The following PPP2R2D variants were observed in gnomAD, a reference collection of about 807,000 sequenced individuals.
PPP2R2D encodes protein phosphatase 2 regulatory subunit Bdelta, also known as serine/threonine-protein phosphatase 2A 55 kDa regulatory subunit B delta isoform.
In PPP2R2D, 9 loss-of-function variants were observed where a neutral mutation model predicts 31.1. The observed-to-expected ratio is 0.29, with a 90% CI of 0.17 to 0.51. PPP2R2D has a LOEUF of 0.51. PPP2R2D is among the 20% of genes least tolerant of loss of function. The pLI is 0.98. For missense variants in PPP2R2D, 391 were observed against 465.6 expected (o/e 0.84, Z 1.48); for synonymous variants, 179 against 172.6 (o/e 1.04, Z -0.29).
the PPP2R2D span, chr10:131,968,719 C>G: frequency 1.7e-6 from 1 of 598,394 alleles, no homozygotes; most frequent in Non-Finnish European, 3.0e-6. Flanking sequence ...ATGAATCTAT[C>G]TGTGATCTTT....
chr10:131,928,199 G>A (rs1284215347), intron 2 of PPP2R2D, among the ~76,000 whole-genome samples: 5 of 152,306 alleles, frequency 3.3e-5, no homozygotes, highest in East Asian at 1.9e-4. Flanking sequence ...CCTAGGGTCC[G>A]ATTTGCTAGT....
At chr10:131,949,705 A>G (rs184878563) in intron 8 of PPP2R2D, among the ~76,000 whole-genome samples, 9 of 151,710 alleles carry the variant, frequency 5.9e-5, no homozygotes, top group Non-Finnish European at 1.2e-4. Flanking sequence ...CTGGAAAGGA[A>G]TCAGAGGGAA....
chr10:131,963,312 T>A (rs138273355), downstream of PPP2R2D, among the ~76,000 whole-genome samples: 1 of 152,316 alleles, frequency 6.6e-6, no homozygotes, highest in Non-Finnish European at 1.5e-5. Flanking sequence ...CTAGAAGTGT[T>A]TTTTCTTAAA....
At chr10:131,951,996 G>A (rs2036644860) in intron 8 of PPP2R2D, among the ~76,000 whole-genome samples, 1 of 151,964 alleles carries the variant, frequency 6.6e-6, no homozygotes. Context: ...GGTGTGCAGA[G>A]GGGTCACTCT....
intron 2 of PPP2R2D, chr10:131,912,261 A>C (rs1488507646): frequency 6.6e-6 from 1 of 152,048 alleles, no homozygotes; most frequent in Non-Finnish European, 1.5e-5. Context: ...GTGCGATCAG[A>C]GCTCACTGCA....
At chr10:131,917,279 A>T (rs1589928908) in intron 2 of PPP2R2D, among the ~76,000 whole-genome samples, 1 of 126,108 alleles carries the variant, frequency 7.9e-6, no homozygotes. Flanking sequence ...GTGGAATGAC[A>T]CAGTGTTTGT....
At chr10:131,917,006 C>T (rs1554893222) in intron 2 of PPP2R2D, among the ~76,000 whole-genome samples, 1 of 126,170 alleles carries the variant, frequency 7.9e-6, no homozygotes, top group Non-Finnish European at 1.7e-5. Context: ...GGTGGAATGA[C>T]ACAGTGTAGG....
At chr10:131,966,268 G>A in the PPP2R2D span, among the ~76,000 whole-genome samples, 2 of 152,174 alleles carry the variant, frequency 1.3e-5, no homozygotes, top group African/African-American at 4.8e-5. Context: ...TAGTGGCCAA[G>A]TGGCCAATGT....
At chr10:131,930,934 G>A (rs1229730815) in intron 2 of PPP2R2D, among the ~76,000 whole-genome samples, 1 of 152,172 alleles carries the variant, frequency 6.6e-6, no homozygotes, top group Non-Finnish European at 1.5e-5. Flanking sequence ...TGAAGGTTTT[G>A]ATGATTACTG....
At chr10:131,938,127 T>C (rs1472838298) in intron 3 of PPP2R2D, among the ~76,000 whole-genome samples, 1 of 152,178 alleles carries the variant, frequency 6.6e-6, no homozygotes, top group African/African-American at 2.4e-5. Flanking sequence ...CCGTGGAGGC[T>C]TCGGTGGAAG....
Position 131,958,748 on chromosome 10 carries a change from G to A in PPP2R2D, c.*2785G>A. The A allele has an allele frequency of 7.3e-6, 2 of 275,282 alleles. No individual in the cohort carries two copies. The highest frequency in any genetic ancestry group is 3.3e-5 in the South Asian group (1 of 30,228). 17.1% of individuals were successfully genotyped at this position (275,282 alleles called of 1,614,324 possible). ...CGTGCCCCTGTGGAGATGGAGGTGT[G>A]TGCTGGTCCCCCGTCCCCCTGTGGA... On this transcript the variant is annotated 3_prime_UTR_variant, in exon 9 of 9. Transcript: ENST00000455566.
chr10:131,942,875 A>G (rs549320415), intron 5 of PPP2R2D, among the ~76,000 whole-genome samples: 71 of 152,216 alleles, frequency 4.7e-4, no homozygotes, highest in African/African-American at 1.7e-3. Flanking sequence ...TTCTTGCTCT[A>G]GAGAATCCAA....
intron 8 of PPP2R2D, among the ~76,000 whole-genome samples, chr10:131,955,447 C>T (rs147826399): frequency 2.6e-5 from 4 of 152,260 alleles, no homozygotes; most frequent in Middle Eastern, 3.4e-3. Context: ...AAGTGTGACT[C>T]CATTATTTTG....
chr10:131,943,308 A>G (rs763021429), intron 5 of PPP2R2D, among the ~76,000 whole-genome samples: 1 of 152,184 alleles, frequency 6.6e-6, no homozygotes, highest in Non-Finnish European at 1.5e-5. Flanking sequence ...GGCGGGAGGT[A>G]CCTTCTACTT....
the PPP2R2D span, chr10:131,970,216 G>C: frequency 5.5e-6 from 1 of 182,304 alleles, no homozygotes; most frequent in Admixed American, 5.7e-5. The surrounding 1 kb of genome is among the most constrained non-coding windows in gnomAD (Gnocchi z 4.1). Context: ...TCATTGCTGA[G>C]AGTTACTAGA....
At chr10:131,901,495 C>T (rs1245872619) in intron 2 of PPP2R2D, among the ~76,000 whole-genome samples, 165 bp downstream of exon 2, 1 of 151,630 alleles carries the variant, frequency 6.6e-6, no homozygotes, top group African/African-American at 2.4e-5. Context: ...GGGGGGCGGC[C>T]GTCCTCTGTC....
At chr10:131,937,083 C>T (rs1012918369) in intron 3 of PPP2R2D, among the ~76,000 whole-genome samples, 2 of 152,180 alleles carry the variant, frequency 1.3e-5, no homozygotes, top group South Asian at 2.1e-4. Context: ...TCCACGTGTG[C>T]GTCTTAGAAT....
chr10:131,901,774 G>T (rs1432186463), intron 2 of PPP2R2D, among the ~76,000 whole-genome samples: 6 of 152,156 alleles, frequency 3.9e-5, no homozygotes, highest in Non-Finnish European at 8.8e-5. Context: ...CTAGGGCTGG[G>T]TCGGGGCCTC....
At chr10:131,968,570 C>A in the PPP2R2D span, 1 of 1,597,892 alleles carries the variant, frequency 6.3e-7, no homozygotes, top group Non-Finnish European at 8.6e-7. Flanking sequence ...AATATAGATC[C>A]TTCACAGAAA....
Sources: allele counts gnomAD v4.1 joint callset (sites outside exome capture counted in the v4.1 genomes callset), GRCh38; gene constraint gnomAD v4.1.1; non-coding constraint Gnocchi (gnomAD v3.1); transcripts MANE v1.5; gene names NCBI Gene and HGNC (gene_info 2026-07-23, HGNC 2026-07-21).